The following PLCB1 variants were observed in gnomAD, a reference collection of about 807,000 sequenced individuals.
The protein encoded by PLCB1 is phospholipase C beta 1.
In PLCB1, 46 loss-of-function variants were observed where a neutral mutation model predicts 161.8. The ratio of observed to expected loss-of-function variants is 0.28; its 90% CI spans 0.22 to 0.36. The LOEUF (loss-of-function observed/expected upper bound fraction) is 0.36, where lower values mean the gene tolerates loss of function less well. PLCB1 is among the 10% of genes least tolerant of loss of function. PLCB1 has a pLI of 1.00. For missense variants in PLCB1, 1,016 were observed against 1,472.5 expected (o/e 0.69, Z 5.07); for synonymous variants, 517 against 503.7 (o/e 1.03, Z -0.35).
chr20:8,387,977 T>TA (rs1555802977), intron 3 of PLCB1, among the ~76,000 whole-genome samples: 4,027 of 126,736 alleles, frequency 0.032, 86 homozygotes, highest in Non-Finnish European at 0.045. Flanking sequence ...CCACTTTTTT[T>TA]AAAAAAAAAA....
chr20:8,684,070 G>C (rs1044102463), intron 9 of PLCB1, among the ~76,000 whole-genome samples: 2 of 151,560 alleles, frequency 1.3e-5, no homozygotes, highest in Non-Finnish European at 2.9e-5. Flanking sequence ...ATTTTTAGTA[G>C]AGACGAGGTT....
intron 2 of PLCB1, among the ~76,000 whole-genome samples, chr20:8,331,872 G>T (rs1985377488): frequency 6.6e-6 from 1 of 152,172 alleles, no homozygotes; most frequent in Admixed American, 6.5e-5. Context: ...GCAGAATTAT[G>T]GAATGTAAGG....
At chr20:8,506,844 T>C (rs972974606) in intron 3 of PLCB1, among the ~76,000 whole-genome samples, 2 of 152,298 alleles carry the variant, frequency 1.3e-5, no homozygotes, top group East Asian at 3.9e-4. Flanking sequence ...TTGTACTTTT[T>C]AAAATAGTTT....
chr20:8,409,411 C>A (rs1179073428), intron 3 of PLCB1, among the ~76,000 whole-genome samples: 1 of 151,742 alleles, frequency 6.6e-6, no homozygotes, highest in East Asian at 1.9e-4. Flanking sequence ...TGAGGACCGA[C>A]AAGGATACTG....
At chr20:8,823,209 G>A (rs1182103550) in intron 31 of PLCB1, among the ~76,000 whole-genome samples, 1 of 151,994 alleles carries the variant, frequency 6.6e-6, no homozygotes, top group Non-Finnish European at 1.5e-5. Context: ...TGCAGTCTTC[G>A]CCTCCTGTGT....
At chr20:8,732,297 A>C (rs1480826141) in intron 18 of PLCB1, 2 of 152,068 alleles carry the variant, frequency 1.3e-5, no homozygotes, top group East Asian at 3.8e-4. Context: ...AACATGGCTT[A>C]GTAGTATAAG....
chr20:8,784,355 G>T (rs1271364058), intron 27 of PLCB1, among the ~76,000 whole-genome samples: 1 of 152,128 alleles, frequency 6.6e-6, no homozygotes, highest in African/African-American at 2.4e-5. Context: ...GTGAGGTCAG[G>T]AGTTCAAGAG....
intron 24 of PLCB1, among the ~76,000 whole-genome samples, chr20:8,759,875 A>G (rs2123570386): frequency 6.7e-6 from 1 of 148,578 alleles, no homozygotes; most frequent in Admixed American, 6.7e-5. Context: ...CTCTCGTTAT[A>G]AATGGGGCAT....
At chr20:8,549,961 T>C (rs1600146379) in intron 3 of PLCB1, among the ~76,000 whole-genome samples, 1 of 152,184 alleles carries the variant, frequency 6.6e-6, no homozygotes, top group South Asian at 2.1e-4. Flanking sequence ...TCTGCCATGA[T>C]TGTAAGTTTC....
At chr20:8,173,849 A>G (rs1003436749) in intron 2 of PLCB1, among the ~76,000 whole-genome samples, 2 of 152,236 alleles carry the variant, frequency 1.3e-5, no homozygotes, top group Non-Finnish European at 2.9e-5. Flanking sequence ...AATGGCCAAA[A>G]TAAAAGAACA....
chr20:8,607,532 G>T (rs575092178), intron 3 of PLCB1, among the ~76,000 whole-genome samples: 1 of 152,068 alleles, frequency 6.6e-6, no homozygotes, highest in Non-Finnish European at 1.5e-5. Context: ...AAGCCAATCC[G>T]TTCCCACCCC....
At chr20:8,668,552 TC>T (rs1000906889) in intron 9 of PLCB1, among the ~76,000 whole-genome samples, 7 of 152,206 alleles carry the variant, frequency 4.6e-5, no homozygotes, top group African/African-American at 1.7e-4. Context: ...AAGATTCAAG[TC>T]CATAGAGTTT....
In PLCB1 at chr20:8,733,293, C is replaced by T. The variant is rs200073364; in HGVS notation, c.1944C>T (p.Tyr648=). Reference sequence around the variant, plus strand: ...ATGAATACAACGGGAAGAGTGGCTACAGATTGAAGCCAGAGTTCATGAGGA... The same window carrying T: ...ATGAATACAACGGGAAGAGTGGCTATAGATTGAAGCCAGAGTTCATGAGGA... The part of the protein sequence containing the change: ...GMYEYNGKSG[Y]RLKPEFMRRP... Residue 648 remains tyrosine (Y), a synonymous_variant, in exon 19 of 32, where the codon TAC becomes TAT. Coordinates refer to ENST00000338037, the MANE Select transcript of PLCB1 (RefSeq NM_015192.4). 2 of 1,613,316 alleles carry T rather than the reference C, an allele frequency of 1.2e-6. No homozygotes were observed. The highest frequency in any genetic ancestry group is 2.7e-5 in the African/African-American group (2 of 74,998).
At chr20:8,861,249 C>T (rs1987243871) in intron 31 of PLCB1, among the ~76,000 whole-genome samples, 2 of 152,178 alleles carry the variant, frequency 1.3e-5, no homozygotes, top group Non-Finnish European at 2.9e-5. Flanking sequence ...ATAAAGCAAA[C>T]AAGTTTAACT....
intron 3 of PLCB1, among the ~76,000 whole-genome samples, chr20:8,565,610 T>TATC (rs1197216314): frequency 6.6e-6 from 1 of 152,058 alleles, no homozygotes; most frequent in Admixed American, 6.6e-5. Context: ...ATATATGGTA[T>TATC]ATCTGTTTAA....
At chr20:8,299,996 A>G (rs1482558377) in intron 2 of PLCB1, among the ~76,000 whole-genome samples, 1 of 152,202 alleles carries the variant, frequency 6.6e-6, no homozygotes, top group Non-Finnish European at 1.5e-5. Context: ...AAAACACAAC[A>G]GTAGGCATTT....
rs193079696 is a variant in PLCB1 at position 8,460,151 on chromosome 20, C to A, written c.246+88701C>A. 2.0e-5 allele frequency among the ~76,000 whole-genome samples: 3 copies of A among 152,284 alleles called. No individual in the cohort carries two copies. In the East Asian group the frequency reaches 5.8e-4, roughly 29 times the overall value. On this transcript the variant is annotated intron_variant, in intron 3 of 31. Transcript: ENST00000338037. ...GATAGAGATATCAGCTGAGTGAGTT[C>A]TGTTTTCTGGAACTTTCTTGAATCT...
intron 2 of PLCB1, among the ~76,000 whole-genome samples, chr20:8,323,126 T>G (rs1415191705): frequency 2.6e-5 from 4 of 152,160 alleles, no homozygotes; most frequent in Non-Finnish European, 5.9e-5. Flanking sequence ...TAAACTTGAT[T>G]ATATGCACAG....
intron 4 of PLCB1, among the ~76,000 whole-genome samples, chr20:8,642,690 A>G (rs1988995026): frequency 6.6e-6 from 1 of 152,254 alleles, no homozygotes; most frequent in Admixed American, 6.5e-5. Context: ...TTTAAATATT[A>G]ATTCAATAGA....
Sources: allele counts gnomAD v4.1 joint callset (sites outside exome capture counted in the v4.1 genomes callset), GRCh38; gene constraint gnomAD v4.1.1; transcripts MANE v1.5; gene names NCBI Gene and HGNC (gene_info 2026-07-23, HGNC 2026-07-21).